The following CHM variants were observed in gnomAD, a reference collection of about 807,000 sequenced individuals.
CHM encodes the protein CHM Rab escort protein.
A neutral mutation model predicts 49.0 loss-of-function variants in CHM; 10 were observed. That is an observed-to-expected ratio of 0.20 (90% confidence interval 0.13 to 0.35). CHM has a LOEUF of 0.35. CHM is among the 10% of genes least tolerant of loss of function. The pLI, the probability that CHM is intolerant of heterozygous loss-of-function variation, is 1.00. For missense variants in CHM, 455 were observed against 478.4 expected (o/e 0.95, Z 0.46); for synonymous variants, 184 against 167.5 (o/e 1.10, Z -0.76).
chrX:85,973,716 T>C (rs147832220), intron 4 of CHM, among the ~76,000 whole-genome samples: 223 of 111,746 alleles, frequency 2.0e-3, no homozygotes, highest in African/African-American at 6.9e-3. Flanking sequence ...AGAGACATGA[T>C]TGCCCAGCAT....
At chrX:85,900,021 A>C (rs1926154748) in intron 11 of CHM, among the ~76,000 whole-genome samples, 1 of 111,246 alleles carries the variant, frequency 9.0e-6, no homozygotes, top group African/African-American at 3.3e-5. Flanking sequence ...CCACAAAAAA[A>C]TTAAAAATAG....
At chrX:85,920,192 T>G (rs1323129805) in intron 8 of CHM, among the ~76,000 whole-genome samples, 1 of 109,810 alleles carries the variant, frequency 9.1e-6, no homozygotes, top group Non-Finnish European at 1.9e-5. Flanking sequence ...GCCTCCCTGG[T>G]TCACGCCATT....
intron 4 of CHM, among the ~76,000 whole-genome samples, chrX:85,967,653 A>G (rs1352208072): frequency 8.9e-6 from 1 of 112,230 alleles, no homozygotes; most frequent in Non-Finnish European, 1.9e-5. Flanking sequence ...CACTATCAAA[A>G]TTGATTTCAC....
rs916255614 is a variant in CHM, at chrX:85,900,703, G to C, written c.1356C>G (p.Ile452Met). ...TATCTGTAATCAGCACTGCCCTGGA[G>C]ATCTGCCTGTAATGCACAAAACAGT... ...NMCSRVQYRQ[I>M]SRAVLITDRS... Residue 452 changes from isoleucine (I) to methionine (M), a missense_variant, in exon 11 of 15, where the codon ATC becomes ATG. Physicochemically the swap from Ile to Met is conservative, Grantham distance 10. Coordinates refer to ENST00000357749, the MANE Select transcript of CHM (RefSeq NM_000390.4). 1 of 1,182,194 alleles carries C rather than the reference G, an allele frequency of 8.5e-7. No homozygotes were observed. Among genetic ancestry groups the C allele is most frequent in the African/African-American group, 1.7e-5 (1 of 57,209 alleles).
intron 8 of CHM, among the ~76,000 whole-genome samples, chrX:85,947,919 C>T (rs1929504672): frequency 9.0e-6 from 1 of 111,703 alleles, no homozygotes; most frequent in Admixed American, 9.5e-5. Flanking sequence ...GAAACATATT[C>T]ATCCTTCATC....
At chrX:85,956,004 T>C in intron 8 of CHM, 149 bp downstream of exon 8, 1 of 462,537 alleles carries the variant, frequency 2.2e-6, no homozygotes. Context: ...GGTAGATAGG[T>C]AGGTAAATAG....
intron 8 of CHM, among the ~76,000 whole-genome samples, chrX:85,949,022 C>T (rs1170743702): frequency 2.7e-5 from 3 of 110,983 alleles, no homozygotes; most frequent in Non-Finnish European, 5.7e-5. Flanking sequence ...CCCCAAAGTG[C>T]TGGGATTACA....
chrX:85,986,803 G>C (rs1931939555), intron 2 of CHM, among the ~76,000 whole-genome samples: 2 of 111,873 alleles, frequency 1.8e-5, no homozygotes, highest in South Asian at 3.7e-4. Context: ...TCCAACAAGA[G>C]TTCTTGACCA....
At chrX:86,019,871 C>T (rs1933468264) in intron 2 of CHM, among the ~76,000 whole-genome samples, 1 of 110,961 alleles carries the variant, frequency 9.0e-6, no homozygotes, top group African/African-American at 3.3e-5. Context: ...TCAGAGTAGT[C>T]CAATGGCAAT....
intron 8 of CHM, among the ~76,000 whole-genome samples, chrX:85,921,709 C>A (rs1488549367): frequency 8.9e-6 from 1 of 112,114 alleles, no homozygotes; most frequent in Non-Finnish European, 1.9e-5. Flanking sequence ...CTACATGTCA[C>A]GAGACACTGT....
intron 12 of CHM, among the ~76,000 whole-genome samples, chrX:85,885,375 A>G (rs1925022157): frequency 9.1e-6 from 1 of 110,404 alleles, no homozygotes; most frequent in Admixed American, 9.8e-5. Context: ...TAGATTAGAC[A>G]TAAATGAAAT....
intron 8 of CHM, among the ~76,000 whole-genome samples, chrX:85,919,574 A>G (rs1286252128): frequency 9.0e-6 from 1 of 111,199 alleles, no homozygotes; most frequent in Non-Finnish European, 1.9e-5. Flanking sequence ...TGATTTATTA[A>G]CAGTGGATAT....
intron 12 of CHM, 32 bp from the exon 13 acceptor site, chrX:85,879,095 C>T: frequency 1.0e-6 from 1 of 976,429 alleles, no homozygotes; most frequent in Non-Finnish European, 1.4e-6. Context: ...AGTTCCTTGT[C>T]ATCACAAATC....
rs1930438893 is a variant in CHM, at chrX:85,963,953, G to A, written c.414C>T (p.Phe138=). The change falls in exon 5 of 15, where the codon TTC becomes TTT. Residue 138 remains phenylalanine, a synonymous_variant. Coordinates refer to ENST00000357749, the MANE Select transcript of CHM (RefSeq NM_000390.4). ...TTAATGACTCATCCTCCGTAGGCAG[G>A]AAGGCAGAATCTGCAGCTTCTGTGG... ...ANSTEAADSA[F]LPTEDESLST... is the part of the protein sequence containing the mutation. 1 of 1,210,925 alleles carries A rather than the reference G, an allele frequency of 8.3e-7. No homozygotes were observed. The highest frequency in any genetic ancestry group is 1.7e-5 in the African/African-American group (1 of 57,699).
intron 8 of CHM, among the ~76,000 whole-genome samples, chrX:85,954,508 G>A (rs1328646720): frequency 8.9e-6 from 1 of 111,796 alleles, no homozygotes; most frequent in Non-Finnish European, 1.9e-5. Flanking sequence ...CAATAACCAA[G>A]ATTTGGAAGC....
At chrX:85,943,275 C>T (rs1235325497) in intron 8 of CHM, among the ~76,000 whole-genome samples, 1 of 110,559 alleles carries the variant, frequency 9.0e-6, no homozygotes. Flanking sequence ...AAAAAGTGGG[C>T]AAAGGATATG....
At chrX:85,913,735 A>G (rs1472775721) in intron 8 of CHM, among the ~76,000 whole-genome samples, 1 of 111,262 alleles carries the variant, frequency 9.0e-6, no homozygotes, top group African/African-American at 3.3e-5. Flanking sequence ...GGAAATGATG[A>G]CAGAAGTGGC....
rs1924597949 is a variant in CHM at position 85,879,066 on chromosome X, G to GT, written c.1511-4dup. 1 of 1,131,599 alleles carries GT rather than the reference G, an allele frequency of 8.8e-7. No individual in the cohort carries two copies. Among genetic ancestry groups the GT allele is most frequent in the Admixed American group, 2.3e-5 (1 of 44,287 alleles). 93.3% of individuals were successfully genotyped at this position (1,131,599 alleles called of 1,213,427 possible). On this transcript the variant is annotated splice_polypyrimidine_tract_variant and splice_region_variant and intron_variant, in intron 12 of 14. Transcript: ENST00000357749. ...TGTGCAAGTCAAATGAACCAAATCT[G>GT]TTAAAAAAAAAATATTTGAGTTCCT...
intron 2 of CHM, among the ~76,000 whole-genome samples, chrX:86,000,106 A>T (rs1469919262): frequency 9.0e-6 from 1 of 111,082 alleles, no homozygotes; most frequent in African/African-American, 3.3e-5. Flanking sequence ...GTTTGCTGTT[A>T]GTCTTACAGT....
Sources: gnomAD v4.1 joint callset for allele counts (sites outside exome capture counted in the v4.1 genomes callset) on GRCh38, gnomAD v4.1.1 for gene constraint, MANE v1.5 for transcripts, NCBI Gene and HGNC (gene_info 2026-07-23, HGNC 2026-07-21) for gene names.